DNAH3: variants seen among roughly 807,000 people sequenced by gnomAD.
The protein encoded by DNAH3 is axonemal beta dynein heavy chain 3.
DNAH3 carries 332 observed loss-of-function variants against 432.5 expected under a neutral mutation model. The observed-to-expected ratio is 0.77, with a 90% CI of 0.70 to 0.84. DNAH3 has a LOEUF of 0.84. DNAH3 is among the 40% of genes least tolerant of loss of function. The probability of loss-of-function intolerance (pLI) is 0.00; values close to 1 mark genes in which losing one functional copy is unlikely to be tolerated. For missense variants in DNAH3, 4,861 were observed against 5,114.0 expected, an observed-to-expected ratio of 0.95 and a Z score of 1.51; for synonymous variants, 1,956 against 1,900.2, an observed-to-expected ratio of 1.03 and a Z score of -0.76.
In DNAH3 at chr16:20,936,644, G is replaced by A. The variant is rs950712862; in HGVS notation, c.11859+5C>T. 1 of 1,588,042 alleles carries A rather than the reference G, an allele frequency of 6.3e-7. No homozygotes were observed. Among genetic ancestry groups the A allele is most frequent in the Non-Finnish European group, 8.6e-7 (1 of 1,166,354 alleles). Reference sequence around the variant, plus strand: ...GGTTCCCGGTTACCCCTGACTCCCAGGTACCTGGAAGAAGGTCAGGCGGGC... The same window carrying A: ...GGTTCCCGGTTACCCCTGACTCCCAAGTACCTGGAAGAAGGTCAGGCGGGC... On this transcript the variant is annotated splice_donor_5th_base_variant and intron_variant, in intron 60 of 61. Coordinates refer to ENST00000261383, the Ensembl canonical transcript of DNAH3.
chr16:21,036,653 A>T, intron 35 of DNAH3, 61 bp downstream of exon 35: 1 of 1,485,604 alleles, frequency 6.7e-7, no homozygotes, highest in Non-Finnish European at 9.2e-7. Context: ...ATAAGACTTT[A>T]CTGTTTGCTG....
chr16:21,086,280 T>C (rs2091369093), intron 19 of DNAH3, among the ~76,000 whole-genome samples: 1 of 152,236 alleles, frequency 6.6e-6, no homozygotes, highest in Admixed American at 6.5e-5. Context: ...CTTGGTTCCT[T>C]ATAAAAATCC....
At chr16:21,154,919 T>C (rs1702658277) in intron 1 of DNAH3, among the ~76,000 whole-genome samples, 1 of 152,022 alleles carries the variant, frequency 6.6e-6, no homozygotes, top group Non-Finnish European at 1.5e-5. Flanking sequence ...GGATATAGGC[T>C]TCAAGTTTCT....
chr16:21,059,744 C>T (rs2090277582), intron 26 of DNAH3, among the ~76,000 whole-genome samples: 2 of 148,862 alleles, frequency 1.3e-5, no homozygotes, highest in African/African-American at 2.5e-5. Context: ...CACTGCATTT[C>T]AGCCCTGGGA....
intron 18 of DNAH3, 86 bp from the exon 19 acceptor site, chr16:21,087,146 C>A: frequency 8.7e-7 from 1 of 1,149,636 alleles, no homozygotes; most frequent in Non-Finnish European, 1.3e-6. Flanking sequence ...TAGAGCTGTG[C>A]CTCCTGTCGT....
intron 20 of DNAH3, among the ~76,000 whole-genome samples, chr16:21,079,731 C>T (rs1264738234): frequency 6.6e-6 from 1 of 152,224 alleles, no homozygotes; most frequent in African/African-American, 2.4e-5. Context: ...CTCTTGGAAA[C>T]ATCTTACTGG....
At chr16:20,981,575 A>C in intron 49 of DNAH3, among the ~76,000 whole-genome samples, 1 of 151,950 alleles carries the variant, frequency 6.6e-6, no homozygotes, top group Non-Finnish European at 1.5e-5. Flanking sequence ...AAATCCAAAA[A>C]TTAGCTGGGC....
intron 5 of DNAH3, 41 bp downstream of exon 6, chr16:21,140,495 A>G (rs369481511): frequency 1.3e-6 from 2 of 1,591,562 alleles, no homozygotes; most frequent in African/African-American, 2.7e-5. Flanking sequence ...GCCGAGAGTA[A>G]CCCTCAGCAA....
intron 52 of DNAH3, among the ~76,000 whole-genome samples, chr16:20,969,503 T>G (rs957260729): frequency 6.6e-6 from 1 of 152,248 alleles, no homozygotes; most frequent in African/African-American, 2.4e-5. Context: ...AAGCCTTTTG[T>G]CTACCTGACC....
At chr16:21,004,847 A>G (rs2087199495) in intron 41 of DNAH3, among the ~76,000 whole-genome samples, 1 of 152,102 alleles carries the variant, frequency 6.6e-6, no homozygotes, top group African/African-American at 2.4e-5. Flanking sequence ...GACCAATTTC[A>G]TTGATTCCTT....
At chr16:21,145,853 C>G in intron 2 of DNAH3, 131 bp downstream of exon 3, 1 of 649,280 alleles carries the variant, frequency 1.5e-6, no homozygotes, top group Non-Finnish European at 2.8e-6. Context: ...GCGACCAAAG[C>G]TACTAATCCT....
chr16:20,985,386 T>C (rs145892675), exon 48 of DNAH3: 17 of 1,614,070 alleles, frequency 1.1e-5, no homozygotes, highest in Non-Finnish European at 1.4e-5. Context: ...ATAGCTCGTA[T>C]GCGTTCATGA....
chr16:21,111,961 C>T (rs763343313), intron 13 of DNAH3, 32 bp downstream of exon 13: 19 of 1,579,896 alleles, frequency 1.2e-5, no homozygotes, highest in Non-Finnish European at 1.7e-5. Flanking sequence ...CACATGTCAC[C>T]AAGGTATAAA....
chr16:21,062,402 T>G, intron 25 of DNAH3, 80 bp downstream of exon 25: 1 of 1,171,206 alleles, frequency 8.5e-7, no homozygotes, highest in Non-Finnish European at 1.3e-6. Context: ...GTCTGGTGCT[T>G]AGTCCCAGTG....
intron 1 of DNAH3, among the ~76,000 whole-genome samples, chr16:21,153,358 G>A (rs568749541): frequency 1.6e-4 from 24 of 152,188 alleles, no homozygotes; most frequent in African/African-American, 5.3e-4. Context: ...GTGGGGCCTT[G>A]GAGAACCTTT....
chr16:21,073,033 C>T (rs1349231070), intron 21 of DNAH3, among the ~76,000 whole-genome samples: 1 of 152,000 alleles, frequency 6.6e-6, no homozygotes, highest in Admixed American at 6.6e-5. Context: ...GCCTTAAAGG[C>T]CAGGCCCTGT....
chr16:21,106,444 A>T (rs758534505), intron 15 of DNAH3, 46 bp downstream of exon 15: 3 of 1,414,746 alleles, frequency 2.1e-6, no homozygotes, highest in Non-Finnish European at 2.9e-6. Context: ...TATAAAATAT[A>T]CATATAGGTA....
chr16:20,944,459 G>A (rs2083952877), intron 58 of DNAH3, 37 bp downstream of exon 58: 1 of 1,611,678 alleles, frequency 6.2e-7, no homozygotes, highest in Non-Finnish European at 8.5e-7. Context: ...AACTGCCTGG[G>A]AAATAGGATT....
At chr16:20,984,029 G>GAAAAAAAAAAAAAAAA (rs61475224) in intron 48 of DNAH3, among the ~76,000 whole-genome samples, 28 of 112,124 alleles carry the variant, frequency 2.5e-4, no homozygotes, top group African/African-American at 9.7e-4. Flanking sequence ...CCTATATCCA[G>GAAAAAAAAAAAAAAAA]AAAAAAAAAA....
Sources: allele counts gnomAD v4.1 joint callset (sites outside exome capture counted in the v4.1 genomes callset), GRCh38; gene constraint gnomAD v4.1.1; transcripts MANE v1.5; gene names NCBI Gene and HGNC (gene_info 2026-07-23, HGNC 2026-07-21).